The following UPB1 variants were observed in gnomAD, a reference collection of about 807,000 sequenced individuals.
The protein encoded by UPB1 is beta-ureidopropionase.
Under a neutral mutation model 49.1 loss-of-function variants are expected in UPB1, and 40 were observed. The ratio of observed to expected loss-of-function variants is 0.81; its 90% CI spans 0.63 to 1.06. UPB1 has a LOEUF of 1.06. Ranked by LOEUF, UPB1 falls within the 50% of genes least tolerant of loss-of-function variation. UPB1 has a pLI of 0.00. For missense variants in UPB1, 499 were observed against 505.9 expected (o/e 0.99, Z 0.13); for synonymous variants, 207 against 198.2 (o/e 1.04, Z -0.38).
intron 1 of UPB1, among the ~76,000 whole-genome samples, chr22:24,498,862 T>A (rs1213992935): frequency 6.6e-6 from 1 of 152,210 alleles, no homozygotes; most frequent in Non-Finnish European, 1.5e-5. Context: ...AATAGACACA[T>A]AAGCCTTGCT....
intron 6 of UPB1, among the ~76,000 whole-genome samples, chr22:24,518,896 A>T (rs1451246778): frequency 6.6e-6 from 1 of 152,090 alleles, no homozygotes; most frequent in Non-Finnish European, 1.5e-5. Flanking sequence ...GAATATGGCA[A>T]ACGTCCCCAC....
At chr22:24,504,904 A>ATTTTTT (rs56198043) in intron 3 of UPB1, among the ~76,000 whole-genome samples, 10 of 109,360 alleles carry the variant, frequency 9.1e-5, no homozygotes, top group African/African-American at 3.5e-4. Flanking sequence ...ATTTTCTTGA[A>ATTTTTT]TTTTTTTTTT....
Position 24,526,237 on chromosome 22 carries a change from T to G in UPB1, c.*443T>G. 2.3e-5 allele frequency: 6 copies of G among 266,350 alleles called. No homozygotes were observed. The highest frequency in any genetic ancestry group is 9.6e-5 in the East Asian group (1 of 10,420). The allele number at this position is 266,350 out of a possible 1,614,324, so 16.5% of individuals were successfully genotyped here. On this transcript the variant is annotated 3_prime_UTR_variant, in exon 10 of 10. Coordinates refer to ENST00000326010, the MANE Select transcript of UPB1 (RefSeq NM_016327.3). ...GTGGGTCGGATGGTCTTTGGATGTG[T>G]CAGCTTAGCTAGGCCACAGTCACCA...
intron 7 of UPB1, 38 bp downstream of exon 7, chr22:24,520,506 C>T (rs1406555116): frequency 6.3e-7 from 1 of 1,598,426 alleles, no homozygotes; most frequent in Non-Finnish European, 8.6e-7. Flanking sequence ...GGAGCCACCA[C>T]CTGGTGGCTC....
chr22:24,522,899 G>A (rs539765262), intron 8 of UPB1, among the ~76,000 whole-genome samples: 81 of 141,278 alleles, frequency 5.7e-4, no homozygotes, highest in Non-Finnish European at 1.0e-3. Context: ...AGCTGACATC[G>A]CACCATTGCA....
At chr22:24,513,285 T>C in intron 4 of UPB1, 39 bp from the exon 5 acceptor site, 2 of 1,613,978 alleles carry the variant, frequency 1.2e-6, no homozygotes, top group Non-Finnish European at 1.7e-6. Context: ...CAACAATTGG[T>C]TTATAAGTGG....
intron 8 of UPB1, among the ~76,000 whole-genome samples, chr22:24,523,236 G>C (rs1217010245): frequency 6.6e-6 from 1 of 152,200 alleles, no homozygotes; most frequent in Non-Finnish European, 1.5e-5. Flanking sequence ...CCAAGGCCTG[G>C]AGGGAGGATA....
At position 24,495,361 on chromosome 22, in the gene UPB1, C is replaced by A. The variant is rs764846557; in HGVS notation, c.-43C>A. 32 of 1,604,074 alleles carry A rather than the reference C, an allele frequency of 2.0e-5. No homozygotes were observed. Among genetic ancestry groups the A allele is most frequent in the Non-Finnish European group, 2.6e-5 (31 of 1,175,150 alleles). ...ACCTCCTCCCACTGCGGGCAAAGGGCAGGCAGTTCGTGCGCGGACACAAGC... is the reference window on the plus strand; with the variant it reads ...ACCTCCTCCCACTGCGGGCAAAGGGAAGGCAGTTCGTGCGCGGACACAAGC... On this transcript the variant is annotated 5_prime_UTR_variant, in exon 1 of 10. Transcript: ENST00000326010.
chr22:24,502,439 C>T (rs755207901), intron 3 of UPB1: 4 of 782,450 alleles, frequency 5.1e-6, no homozygotes, highest in South Asian at 4.0e-5. Context: ...TCCATTCGCT[C>T]CTCTCCATCT....
intron 1 of UPB1, among the ~76,000 whole-genome samples, chr22:24,498,638 G>C (rs1601475836): frequency 6.6e-6 from 1 of 152,154 alleles, no homozygotes; most frequent in Non-Finnish European, 1.5e-5. Flanking sequence ...GCATCACTTG[G>C]GGGAAGAAGG....
chr22:24,497,627 G>GGT (rs1568977777), intron 1 of UPB1, among the ~76,000 whole-genome samples: 2 of 152,310 alleles, frequency 1.3e-5, no homozygotes, highest in African/African-American at 4.8e-5. Context: ...TCAGTAGCAG[G>GGT]GTGAGGGGTA....
intron 4 of UPB1, among the ~76,000 whole-genome samples, chr22:24,512,548 AATATAC>A (rs1568989108): frequency 1.3e-5 from 2 of 152,316 alleles, no homozygotes; most frequent in East Asian, 3.9e-4. Context: ...CAAGTGGTAA[AATATAC>A]ATATAAAATG....
Position 24,502,138 on chromosome 22 carries a change from C to T in UPB1, c.289C>T (p.His97Tyr). Residue 97 changes from histidine (H) to tyrosine (Y), a missense_variant, in exon 3 of 10, where the codon CAT becomes TAT. Coordinates refer to ENST00000326010, the MANE Select transcript of UPB1 (RefSeq NM_016327.3). The stretch of plus-strand genomic sequence containing the variant: ...TTTAAATTCTCAGGTCTCTGCCCTT[C>T]ATAGACGCATAAAGGCTATCGTAGA... Reference protein sequence around the residue: ...APVAEQVSALHRRIKAIVEVA... With the variant: ...APVAEQVSALYRRIKAIVEVA... The T allele has an allele frequency of 1.2e-6, 2 of 1,614,190 alleles. No individual in the cohort carries two copies. The highest frequency in any genetic ancestry group is 1.1e-5 in the South Asian group (1 of 91,086).
chr22:24,514,881 C>T (rs1026550551), intron 5 of UPB1, among the ~76,000 whole-genome samples: 3 of 152,102 alleles, frequency 2.0e-5, no homozygotes, highest in Non-Finnish European at 2.9e-5. Context: ...CAACCAAACC[C>T]GAGCCTTGAG....
intron 3 of UPB1, among the ~76,000 whole-genome samples, chr22:24,510,009 G>A (rs920208552): frequency 6.6e-6 from 1 of 152,150 alleles, no homozygotes; most frequent in African/African-American, 2.4e-5. Flanking sequence ...GAGGTGGGCG[G>A]ATCACCTGAG....
chr22:24,517,388 T>C (rs946833607), intron 6 of UPB1, among the ~76,000 whole-genome samples: 6 of 152,220 alleles, frequency 3.9e-5, no homozygotes, highest in Admixed American at 1.3e-4. Flanking sequence ...TGGGCAGAAC[T>C]TTGGGGCCAC....
chr22:24,511,618 A>ATATATAT (rs1280628896), intron 4 of UPB1, among the ~76,000 whole-genome samples: 5 of 122,568 alleles, frequency 4.1e-5, no homozygotes, highest in African/African-American at 1.6e-4. Context: ...ATATATATAT[A>ATATATAT]TTTTTTTTTT....
chr22:24,507,886 T>G (rs1273439225), intron 3 of UPB1, among the ~76,000 whole-genome samples: 3 of 152,040 alleles, frequency 2.0e-5, no homozygotes, highest in African/African-American at 7.2e-5. Flanking sequence ...GCGGGCTACT[T>G]GAATGTCACA....
chr22:24,498,919 G>C (rs994355719), intron 1 of UPB1, among the ~76,000 whole-genome samples: 6 of 152,190 alleles, frequency 3.9e-5, no homozygotes, highest in African/African-American at 1.4e-4. Flanking sequence ...GGAAAGCTGC[G>C]TGATTTATGT....
Sources: allele counts gnomAD v4.1 joint callset (sites outside exome capture counted in the v4.1 genomes callset), GRCh38; gene constraint gnomAD v4.1.1; transcripts MANE v1.5; gene names NCBI Gene and HGNC (gene_info 2026-07-23, HGNC 2026-07-21).